ARMC9: variants seen among roughly 807,000 people sequenced by gnomAD.
ARMC9 encodes lisH domain-containing protein ARMC9.
ARMC9 carries 94 observed loss-of-function variants against 107.0 expected under a neutral mutation model. The ratio of observed to expected loss-of-function variants is 0.88; its 90% CI spans 0.74 to 1.04. The LOEUF (loss-of-function observed/expected upper bound fraction) is 1.04, where lower values mean the gene tolerates loss of function less well. ARMC9 is among the 50% of genes least tolerant of loss of function. ARMC9 has a pLI of 0.00. For synonymous variants in ARMC9, 380 were observed against 396.9 expected (o/e 0.96, Z 0.51); for missense variants, 942 against 1,030.1 (o/e 0.91, Z 1.17).
intron 19 of ARMC9, among the ~76,000 whole-genome samples, chr2:231,310,790 A>G (rs551338729): frequency 9.9e-5 from 15 of 152,088 alleles, no homozygotes; most frequent in African/African-American, 2.4e-4. Context: ...GGGCAGTCCA[A>G]TCTTTAAGGG....
chr2:231,215,023 G>A, intron 4 of ARMC9, 22 bp downstream of exon 4: 1 of 1,612,656 alleles, frequency 6.2e-7, no homozygotes, highest in East Asian at 2.2e-5. Flanking sequence ...TGGTGATGCG[G>A]GTGGGTCTGA....
intron 12 of ARMC9, 65 bp from the exon 13 acceptor site, chr2:231,270,917 G>A: frequency 7.2e-7 from 1 of 1,386,100 alleles, no homozygotes; most frequent in Non-Finnish European, 1.0e-6. Context: ...CAGACCCGAA[G>A]AGGAGGCGTG....
At chr2:231,257,381 T>G (rs1390277500) in intron 10 of ARMC9, among the ~76,000 whole-genome samples, 2 of 152,126 alleles carry the variant, frequency 1.3e-5, no homozygotes, top group Non-Finnish European at 1.5e-5. Context: ...GCAAGGAAGT[T>G]GAGAACCTTT....
intron 19 of ARMC9, among the ~76,000 whole-genome samples, chr2:231,327,966 G>T (rs961875632): frequency 6.6e-6 from 1 of 151,774 alleles, no homozygotes; most frequent in African/African-American, 2.4e-5. Context: ...TGTTTTTTTC[G>T]TAGAGACGGT....
intron 9 of ARMC9, chr2:231,256,008 C>T (rs2037752846): frequency 7.6e-7 from 1 of 1,314,604 alleles, no homozygotes. Flanking sequence ...CCACTGCTCT[C>T]CAGCCTGGGT....
chr2:231,311,229 T>C (rs2042326856), intron 19 of ARMC9, among the ~76,000 whole-genome samples: 1 of 152,246 alleles, frequency 6.6e-6, no homozygotes, highest in Non-Finnish European at 1.5e-5. Flanking sequence ...CAGCTCACTT[T>C]GCAGCCGGCT....
At chr2:231,313,250 G>C (rs547972368) in intron 19 of ARMC9, among the ~76,000 whole-genome samples, 10 of 152,236 alleles carry the variant, frequency 6.6e-5, no homozygotes, top group African/African-American at 2.2e-4. Flanking sequence ...AATGTCTCTA[G>C]AATATTTGGT....
intron 9 of ARMC9, chr2:231,256,079 C>T (rs905038547): frequency 3.9e-6 from 6 of 1,541,564 alleles, no homozygotes; most frequent in African/African-American, 1.4e-5. Flanking sequence ...TCCGCCAGAC[C>T]GCCGCCGCGC....
chr2:231,277,630 G>C (rs537135195), intron 15 of ARMC9, among the ~76,000 whole-genome samples: 1 of 151,002 alleles, frequency 6.6e-6, no homozygotes. Context: ...CATGATCTTG[G>C]CTCAGTGGTG....
chr2:231,334,790 T>C (rs78265729), intron 20 of ARMC9, among the ~76,000 whole-genome samples: 2,444 of 152,270 alleles, frequency 0.016, 27 homozygotes, highest in Non-Finnish European at 0.024. Flanking sequence ...TGTGCCGGGT[T>C]GGGGATCTCA....
chr2:231,284,685 C>T (rs548317776), intron 17 of ARMC9, among the ~76,000 whole-genome samples: 4 of 152,126 alleles, frequency 2.6e-5, no homozygotes, highest in Non-Finnish European at 5.9e-5. Context: ...GATACCATCG[C>T]ATTTATTGTC....
At chr2:231,364,670 T>C (rs2045737540) in intron 23 of ARMC9, among the ~76,000 whole-genome samples, 1 of 152,004 alleles carries the variant, frequency 6.6e-6, no homozygotes, top group Admixed American at 6.6e-5. Flanking sequence ...TGGTGGTGCA[T>C]GCCTGTAATC....
intron 17 of ARMC9, among the ~76,000 whole-genome samples, chr2:231,287,060 G>T (rs574544786): frequency 6.6e-6 from 1 of 152,176 alleles, no homozygotes; most frequent in Non-Finnish European, 1.5e-5. Context: ...GGCTGGAGCC[G>T]ATCAGAGGCT....
intron 20 of ARMC9, among the ~76,000 whole-genome samples, chr2:231,335,615 G>A (rs570490626): frequency 6.6e-6 from 1 of 152,298 alleles, no homozygotes; most frequent in Admixed American, 6.5e-5. Flanking sequence ...GGAGAGTAGC[G>A]ATGGCCCCAT....
intron 19 of ARMC9, among the ~76,000 whole-genome samples, chr2:231,316,592 G>A (rs1361832037): frequency 6.6e-6 from 1 of 151,146 alleles, no homozygotes; most frequent in Admixed American, 6.6e-5. Context: ...CACTTGAATT[G>A]AGGCGGAGGT....
intron 20 of ARMC9, among the ~76,000 whole-genome samples, chr2:231,339,406 A>T (rs946165750): frequency 1.3e-5 from 2 of 152,324 alleles, no homozygotes; most frequent in Admixed American, 1.3e-4. Flanking sequence ...ATAAAAAATA[A>T]TACAAAAGAA....
At chr2:231,340,118 G>A (rs2044406572) in intron 20 of ARMC9, among the ~76,000 whole-genome samples, 1 of 152,210 alleles carries the variant, frequency 6.6e-6, no homozygotes, top group Non-Finnish European at 1.5e-5. Context: ...AGAACTGGCA[G>A]AACCTAAATG....
intron 13 of ARMC9, among the ~76,000 whole-genome samples, chr2:231,272,312 GC>G (rs1281090493): frequency 4.0e-5 from 6 of 148,906 alleles, no homozygotes; most frequent in Non-Finnish European, 8.9e-5. Context: ...TCGCGCCTCA[GC>G]CCCCCAATTA....
At chr2:231,332,729 T>C (rs1040424553) in intron 20 of ARMC9, among the ~76,000 whole-genome samples, 12 of 151,554 alleles carry the variant, frequency 7.9e-5, no homozygotes, top group African/African-American at 2.9e-4. Flanking sequence ...GATGCTGGAG[T>C]GTAAGGGTCT....
Sources: allele counts gnomAD v4.1 joint callset (sites outside exome capture counted in the v4.1 genomes callset), GRCh38; gene constraint gnomAD v4.1.1; transcripts MANE v1.5; gene names NCBI Gene and HGNC (gene_info 2026-07-23, HGNC 2026-07-21).